Variants in TXNDC11 observed in about 807,000 individuals in gnomAD.
The protein encoded by TXNDC11 is thioredoxin domain-containing protein 11.
TXNDC11 carries 68 observed loss-of-function variants against 78.0 expected under a neutral mutation model. That is an observed-to-expected ratio of 0.87 (90% CI 0.72 to 1.07). The LOEUF (loss-of-function observed/expected upper bound fraction) is 1.07, where lower values mean the gene tolerates loss of function less well. TXNDC11 is among the 50% of genes least tolerant of loss of function. The pLI is 0.00. For synonymous variants in TXNDC11, 571 were observed against 495.2 expected (o/e 1.15, Z -2.03); for missense variants, 1,389 against 1,221.8 (o/e 1.14, Z -2.04).
At chr16:11,684,828 C>A (rs2050521790) in intron 10 of TXNDC11, among the ~76,000 whole-genome samples, 1 of 152,228 alleles carries the variant, frequency 6.6e-6, no homozygotes, top group South Asian at 2.1e-4. Context: ...GCTGGGCACA[C>A]AGCTGGGCGC....
intron 5 of TXNDC11, 101 bp from the exon 6 acceptor site, chr16:11,700,665 GCTC>G: frequency 1.7e-6 from 1 of 599,660 alleles, no homozygotes; most frequent in South Asian, 2.3e-5. Context: ...CTGCAGCTAA[GCTC>G]CTTCTGGTAA....
At chr16:11,695,717 GC>G (rs1215861322) in intron 7 of TXNDC11, among the ~76,000 whole-genome samples, 1 of 152,128 alleles carries the variant, frequency 6.6e-6, no homozygotes, top group Non-Finnish European at 1.5e-5. Flanking sequence ...CACAGCCCTG[GC>G]TGCATCTCTT....
At chr16:11,683,158 A>T (rs746203108) in intron 11 of TXNDC11, among the ~76,000 whole-genome samples, 4 of 152,220 alleles carry the variant, frequency 2.6e-5, no homozygotes, top group Admixed American at 6.5e-5. Flanking sequence ...TAAAGGACCA[A>T]GAGTTAATTT....
intron 5 of TXNDC11, among the ~76,000 whole-genome samples, chr16:11,716,211 C>T (rs1567331246): frequency 6.6e-6 from 1 of 152,338 alleles, no homozygotes; most frequent in African/African-American, 2.4e-5. Context: ...ACTGCAAGTC[C>T]TTTTGTAGAT....
chr16:11,713,701 C>A (rs370135704), intron 5 of TXNDC11, among the ~76,000 whole-genome samples: 10 of 152,304 alleles, frequency 6.6e-5, no homozygotes, highest in Admixed American at 5.9e-4. Flanking sequence ...CAGGTATGAG[C>A]CACAGCGCCC....
At chr16:11,686,996 T>C (rs1028485074) in intron 10 of TXNDC11, among the ~76,000 whole-genome samples, 1 of 152,176 alleles carries the variant, frequency 6.6e-6, no homozygotes, top group Non-Finnish European at 1.5e-5. Context: ...TATCAAAAAC[T>C]CTCCCAACAT....
intron 5 of TXNDC11, among the ~76,000 whole-genome samples, chr16:11,714,024 G>A (rs35478579): frequency 0.017 from 2,476 of 148,892 alleles, 38 homozygotes; most frequent in Middle Eastern, 0.076. Context: ...CCCATACTGA[G>A]CAAGAAAACC....
chr16:11,739,171 T>A (rs2052320767), intron 1 of TXNDC11, among the ~76,000 whole-genome samples: 1 of 152,208 alleles, frequency 6.6e-6, no homozygotes, highest in Admixed American at 6.5e-5. Context: ...CCAGATAAAG[T>A]ACAAGGCCAA....
chr16:11,701,033 G>A (rs1276043462), intron 5 of TXNDC11, among the ~76,000 whole-genome samples: 2 of 151,502 alleles, frequency 1.3e-5, no homozygotes, highest in Non-Finnish European at 2.9e-5. Flanking sequence ...ACCCATTCAG[G>A]TACTCCCTTT....
chr16:11,706,165 C>T (rs9931727), intron 5 of TXNDC11, among the ~76,000 whole-genome samples: 3,318 of 152,276 alleles, frequency 0.022, 124 homozygotes, highest in African/African-American at 0.076. Context: ...TCTCTGTTAA[C>T]CATACAGTGA....
rs549513721 is a variant in TXNDC11, at chr16:11,725,796, C to T, written c.700-4126G>A. Among the ~76,000 whole-genome samples the T allele has an allele frequency of 2.0e-5, 3 of 152,338 alleles. No homozygotes were observed. The East Asian group carries it at 5.8e-4, about 29-fold the overall frequency. On this transcript the variant is annotated intron_variant, in intron 4 of 11. Transcript: ENST00000283033. ...CAAAGTTAAGAATTTTTAGTACTCA[C>T]CCTTTAATGGCTTTCTGTGATGTTT...
In TXNDC11 at chr16:11,729,184, G is replaced by C. The variant is rs2051971894; in HGVS notation, c.699+1461C>G. Among the ~76,000 whole-genome samples, 3 of 152,116 alleles carry C rather than the reference G, an allele frequency of 2.0e-5. No homozygotes were observed. The South Asian group carries it at 6.2e-4, about 32-fold the overall frequency. On this transcript the variant is annotated intron_variant, in intron 4 of 11. Coordinates refer to ENST00000283033, the MANE Select transcript of TXNDC11 (RefSeq NM_015914.7). ...TAGAAGGAATCTCAAGGATACCCTG[G>C]CCCAGGCCCCTGATGCCCAGGAAGT...
At chr16:11,707,755 GCTT>G (rs547777924) in intron 5 of TXNDC11, among the ~76,000 whole-genome samples, 214 of 152,022 alleles carry the variant, frequency 1.4e-3, no homozygotes, top group African/African-American at 4.9e-3. Context: ...AGCCTCACCT[GCTT>G]CTTTTTAATT....
chr16:11,729,906 G>A (rs1173556408), intron 4 of TXNDC11, among the ~76,000 whole-genome samples: 2 of 152,058 alleles, frequency 1.3e-5, no homozygotes, highest in Non-Finnish European at 2.9e-5. Flanking sequence ...GACCAGCCTG[G>A]TCAACATGGT....
chr16:11,691,741 A>G lies in TXNDC11; in HGVS notation c.1449T>C (p.Tyr483=). 1.2e-6 allele frequency: 2 copies of G among 1,614,228 alleles called. No individual in the cohort carries two copies. Among genetic ancestry groups the G allele is most frequent in the Non-Finnish European group, 1.7e-6 (2 of 1,180,052 alleles). ...ATTCTATGCTGTCTGATGCCACATGATAAAAGGTCTGCTCCTTGAGGTAGA... is the reference window on the plus strand; with the variant it reads ...ATTCTATGCTGTCTGATGCCACATGGTAAAAGGTCTGCTCCTTGAGGTAGA... ...DSFYLKEQTF[Y]HVASDSIECS... is the part of the protein sequence containing the mutation. Residue 483 remains tyrosine (Y), a synonymous_variant, in exon 8 of 12, where the codon TAT becomes TAC. Coordinates refer to ENST00000283033, the MANE Select transcript of TXNDC11 (RefSeq NM_015914.7).
intron 11 of TXNDC11, among the ~76,000 whole-genome samples, chr16:11,680,210 C>T (rs1040921266): frequency 2.0e-5 from 3 of 152,226 alleles, no homozygotes; most frequent in Non-Finnish European, 4.4e-5. Flanking sequence ...TCAGGAAGAG[C>T]GTCCAGGGGA....
chr16:11,702,076 G>A (rs569826667), intron 5 of TXNDC11, among the ~76,000 whole-genome samples: 2 of 145,028 alleles, frequency 1.4e-5, no homozygotes, highest in African/African-American at 5.3e-5. Flanking sequence ...ATGTGTGTGT[G>A]TGTATGTATG....
intron 1 of TXNDC11, 68 bp downstream of exon 1, chr16:11,742,409 C>G (rs1025642873): frequency 1.6e-6 from 2 of 1,254,066 alleles, no homozygotes; most frequent in Middle Eastern, 3.0e-4. Flanking sequence ...GCGACCCGGC[C>G]CTGCAGGCTC....
chr16:11,705,793 A>T (rs1333453216), intron 5 of TXNDC11, among the ~76,000 whole-genome samples: 1 of 152,244 alleles, frequency 6.6e-6, no homozygotes, highest in Non-Finnish European at 1.5e-5. Context: ...TGCTAGAAGC[A>T]GCAGCTTAAA....
Sources: allele counts gnomAD v4.1 joint callset (sites outside exome capture counted in the v4.1 genomes callset), GRCh38; gene constraint gnomAD v4.1.1; transcripts MANE v1.5; gene names NCBI Gene and HGNC (gene_info 2026-07-23, HGNC 2026-07-21).